BLTP1: variants seen among roughly 807,000 people sequenced by gnomAD.
BLTP1 encodes the protein bridge-like lipid transfer protein family member 1.
chr4:122,226,937 C>A, the BLTP1 span: 1 of 806,310 alleles, frequency 1.2e-6, no homozygotes, highest in Non-Finnish European at 1.7e-6. Context: ...AGCCATGCAG[C>A]AAACTACAGT....
chr4:122,158,951 T>G, the BLTP1 span, among the ~76,000 whole-genome samples: 1 of 152,166 alleles, frequency 6.6e-6, no homozygotes, highest in Admixed American at 6.5e-5. Context: ...TAGCATAGAT[T>G]ATGATATTAA....
chr4:122,257,403 A>T, the BLTP1 span: 2 of 1,614,058 alleles, frequency 1.2e-6, no homozygotes, highest in Non-Finnish European at 1.7e-6. Flanking sequence ...ATAGCTATGG[A>T]CCATGAACAT....
chr4:122,254,383 GTTTC>G, the BLTP1 span: 2 of 1,478,388 alleles, frequency 1.4e-6, no homozygotes, highest in South Asian at 1.2e-5. Flanking sequence ...ATCGCTTGAT[GTTTC>G]TTTATTTTAA....
chr4:122,325,669 T>C, the BLTP1 span: 1 of 1,054,978 alleles, frequency 9.5e-7, no homozygotes. Flanking sequence ...TACTCATTTA[T>C]GTATTTTATT....
At chr4:122,171,715 A>G in the BLTP1 span, 1 of 519,992 alleles carries the variant, frequency 1.9e-6, no homozygotes, top group Non-Finnish European at 2.5e-6. Flanking sequence ...GTAGGAATAT[A>G]AGTAGAGATG....
chr4:122,152,422 C>T, the BLTP1 span: 1 of 985,326 alleles, frequency 1.0e-6, no homozygotes. Flanking sequence ...ACCTGGGCGG[C>T]GGCCCCGGGC....
the BLTP1 span, among the ~76,000 whole-genome samples, chr4:122,212,542 T>C: frequency 6.6e-6 from 1 of 152,154 alleles, no homozygotes; most frequent in Non-Finnish European, 1.5e-5. Context: ...GCATCAGTTT[T>C]TGAATACTAC....
the BLTP1 span, chr4:122,187,864 A>G: frequency 0.021 from 32,930 of 1,548,358 alleles, 1,778 homozygotes; most frequent in African/African-American, 0.21. Flanking sequence ...ATGATATAAT[A>G]TCTCTTATCT....
chr4:122,246,275 C>T, the BLTP1 span: 3 of 1,594,054 alleles, frequency 1.9e-6, no homozygotes, highest in Non-Finnish European at 2.6e-6. Context: ...TAAAGGTCTT[C>T]AGACTAATGT....
chr4:122,279,350 T>C, the BLTP1 span, among the ~76,000 whole-genome samples: 10 of 152,212 alleles, frequency 6.6e-5, no homozygotes, highest in Admixed American at 2.6e-4. Flanking sequence ...CATTGTCTTG[T>C]CCCTTCTTGA....
chr4:122,283,549 T>A, the BLTP1 span, among the ~76,000 whole-genome samples: 1 of 152,222 alleles, frequency 6.6e-6, no homozygotes, highest in African/African-American at 2.4e-5. Context: ...TCTCACTTTG[T>A]TGCCCAGGCT....
At chr4:122,215,429 T>C in the BLTP1 span, 1 of 985,292 alleles carries the variant, frequency 1.0e-6, no homozygotes, top group Admixed American at 6.1e-5. Context: ...AACTGTTTTG[T>C]TGGTACATGT....
chr4:122,355,647 A>G, the BLTP1 span: 1 of 487,770 alleles, frequency 2.1e-6, no homozygotes, highest in Admixed American at 4.1e-5. Flanking sequence ...ATCTGTATAC[A>G]TAGATATATG....
At chr4:122,264,860 T>C in the BLTP1 span, among the ~76,000 whole-genome samples, 1 of 152,258 alleles carries the variant, frequency 6.6e-6, no homozygotes, top group South Asian at 2.1e-4. Context: ...ATAGAGAAAC[T>C]AGTGTTGAAA....
At chr4:122,303,798 T>TC in the BLTP1 span, among the ~76,000 whole-genome samples, 2 of 152,290 alleles carry the variant, frequency 1.3e-5, no homozygotes, top group African/African-American at 4.8e-5. Flanking sequence ...GGTGAAGAGT[T>TC]CCTTCTTATG....
the BLTP1 span, chr4:122,298,744 G>A: frequency 4.1e-6 from 2 of 489,752 alleles, no homozygotes; most frequent in Non-Finnish European, 5.3e-6. Context: ...AGGATGTATT[G>A]AGGCATAGGA....
At chr4:122,184,124 G>A in the BLTP1 span, among the ~76,000 whole-genome samples, 3 of 152,048 alleles carry the variant, frequency 2.0e-5, no homozygotes, top group Non-Finnish European at 4.4e-5. Flanking sequence ...TGCACCTAAA[G>A]TAAATCTCTC....
At chr4:122,264,354 C>T in the BLTP1 span, 16 of 1,611,436 alleles carry the variant, frequency 9.9e-6, no homozygotes, top group Non-Finnish European at 1.4e-5. Context: ...CAGCATAGCA[C>T]CAGTCAGGAT....
At chr4:122,350,739 A>G in the BLTP1 span, among the ~76,000 whole-genome samples, 1 of 152,176 alleles carries the variant, frequency 6.6e-6, no homozygotes, top group African/African-American at 2.4e-5. Flanking sequence ...TGAAAGAACA[A>G]GGCTAAGATG....
Sources: gnomAD v4.1 joint callset for allele counts (sites outside exome capture counted in the v4.1 genomes callset) on GRCh38, gnomAD v4.1.1 for gene constraint, MANE v1.5 for transcripts, NCBI Gene and HGNC (gene_info 2026-07-23, HGNC 2026-07-21) for gene names.